Variants in ZFAT observed in about 807,000 individuals in gnomAD.
ZFAT encodes zinc finger protein ZFAT.
Under a neutral mutation model 117.7 loss-of-function variants are expected in ZFAT, and 64 were observed. The ratio of observed to expected loss-of-function variants is 0.54; its 90% CI spans 0.44 to 0.67. ZFAT has a LOEUF of 0.67. ZFAT is among the 30% of genes least tolerant of loss of function. The probability of loss-of-function intolerance (pLI) is 0.00; values close to 1 mark genes in which losing one functional copy is unlikely to be tolerated. For synonymous variants in ZFAT, 679 were observed against 615.0 expected, an observed-to-expected ratio of 1.10 and a Z score of -1.54; for missense variants, 1,433 against 1,584.5, an observed-to-expected ratio of 0.90 and a Z score of 1.62.
chr8:134,608,902 T>C, intron 4 of ZFAT, 23 bp from the exon 5 acceptor site: 1 of 1,593,474 alleles, frequency 6.3e-7, no homozygotes, highest in Admixed American at 1.8e-5. Context: ...CAAAAGGCAT[T>C]GCTTATTGAG....
chr8:134,783,689 A>G, the ZFAT span: 9 of 152,226 alleles, frequency 5.9e-5, no homozygotes, highest in Non-Finnish European at 1.2e-4. Context: ...CAGAACTCAG[A>G]AAAGTTACGT....
chr8:134,688,798 G>A (rs1833460342), intron 1 of ZFAT, among the ~76,000 whole-genome samples: 1 of 152,162 alleles, frequency 6.6e-6, no homozygotes, highest in African/African-American at 2.4e-5. Context: ...TCAAGAGAAG[G>A]AAGAGACCAA....
At chr8:134,622,909 C>T (rs1829231924) in intron 3 of ZFAT, among the ~76,000 whole-genome samples, 1 of 152,126 alleles carries the variant, frequency 6.6e-6, no homozygotes, top group African/African-American at 2.4e-5. Flanking sequence ...CCCTGCTTTT[C>T]CCAGCTGCCC....
At chr8:134,783,741 G>A in the ZFAT span, 19 of 152,204 alleles carry the variant, frequency 1.2e-4, no homozygotes, top group Non-Finnish European at 1.6e-4. Flanking sequence ...TTTAAAATCA[G>A]TACAGTTTTA....
In ZFAT at chr8:134,590,367, G is replaced by A. The variant is rs756736491; in HGVS notation, c.2476-12C>T. Reference sequence around the variant, plus strand: ...TAACTCCTTTTGTCCTTAATAGAAAGAGAACATAATCAGTTGACTTTCTCA... The same window carrying A: ...TAACTCCTTTTGTCCTTAATAGAAAAAGAACATAATCAGTTGACTTTCTCA... On this transcript the variant is annotated splice_polypyrimidine_tract_variant and intron_variant, in intron 7 of 15. Coordinates refer to ENST00000377838, the MANE Select transcript of ZFAT (RefSeq NM_020863.4). 1.9e-6 allele frequency: 3 copies of A among 1,596,560 alleles called. No individual in the cohort carries two copies. The highest frequency in any genetic ancestry group is 1.7e-6 in the Non-Finnish European group (2 of 1,167,700).
chr8:134,586,331 T>C (rs1321506694), intron 9 of ZFAT, among the ~76,000 whole-genome samples: 9 of 152,250 alleles, frequency 5.9e-5, no homozygotes, highest in Non-Finnish European at 1.5e-5. Context: ...AAGTACCCAA[T>C]ATGTGCTAAG....
At chr8:134,679,788 G>C (rs991281909) in intron 1 of ZFAT, among the ~76,000 whole-genome samples, 1 of 152,134 alleles carries the variant, frequency 6.6e-6, no homozygotes, top group African/African-American at 2.4e-5. Context: ...GTCCTTTGCA[G>C]GGACACGGAT....
chr8:134,685,977 A>C (rs1833301212), intron 1 of ZFAT, among the ~76,000 whole-genome samples: 1 of 151,614 alleles, frequency 6.6e-6, no homozygotes, highest in African/African-American at 2.4e-5. Context: ...GCAGGTGGGC[A>C]CACAGCAGGG....
chr8:134,539,879 A>T (rs934799946), intron 11 of ZFAT, among the ~76,000 whole-genome samples: 1 of 152,148 alleles, frequency 6.6e-6, no homozygotes, highest in Non-Finnish European at 1.5e-5. Context: ...GTCAGGTGTT[A>T]GGCCCACCAC....
At chr8:134,653,137 G>A (rs1273655910) in intron 2 of ZFAT, among the ~76,000 whole-genome samples, 1 of 146,490 alleles carries the variant, frequency 6.8e-6, no homozygotes, top group Non-Finnish European at 1.5e-5. Flanking sequence ...TAAAAGAGAA[G>A]GTCGGGTTTT....
chr8:134,532,366 T>C (rs1443149537), intron 12 of ZFAT, among the ~76,000 whole-genome samples: 1 of 152,224 alleles, frequency 6.6e-6, no homozygotes, highest in Non-Finnish European at 1.5e-5. Flanking sequence ...AATCCCACAA[T>C]GTTCGATAAC....
chr8:134,612,779 G>A (rs960006235), intron 3 of ZFAT, among the ~76,000 whole-genome samples: 1 of 152,152 alleles, frequency 6.6e-6, no homozygotes, highest in Non-Finnish European at 1.5e-5. Context: ...ACTCTCCAAG[G>A]CTAAACGGAA....
chr8:134,713,375 C>T (rs1292549080), upstream of ZFAT, among the ~76,000 whole-genome samples: 3 of 152,240 alleles, frequency 2.0e-5, no homozygotes, highest in East Asian at 3.9e-4. Flanking sequence ...CCCAGCTCTA[C>T]CTCTCACTAC....
At chr8:134,812,887 T>C in the ZFAT span, among the ~76,000 whole-genome samples, 1 of 152,268 alleles carries the variant, frequency 6.6e-6, no homozygotes, top group Non-Finnish European at 1.5e-5. Flanking sequence ...ACTAGTGTTA[T>C]CTATCCTCTT....
Position 134,713,013 on chromosome 8 carries a change from G to A in ZFAT, c.-150C>T. On this transcript the variant is annotated 5_prime_UTR_variant, in exon 1 of 16. Transcript: ENST00000377838. Reference sequence around the variant, plus strand: ...GCCGGCGAGGTTATGGCGAATCTGCGGCATCCAACATGGCGGATGGAGTCT... The same window carrying A: ...GCCGGCGAGGTTATGGCGAATCTGCAGCATCCAACATGGCGGATGGAGTCT... 1.1e-6 allele frequency: 1 copy of A among 924,650 alleles called. No individual in the cohort carries two copies. Among genetic ancestry groups the A allele is most frequent in the Non-Finnish European group, 1.5e-6 (1 of 675,196 alleles). The allele number at this position is 924,650 out of a possible 1,614,324, so 57.3% of individuals were successfully genotyped here. A position where few individuals can be genotyped will look rare whatever the true frequency, so the allele number is the denominator to read the frequency against.
chr8:134,774,616 A>G, the ZFAT span, among the ~76,000 whole-genome samples: 1 of 152,230 alleles, frequency 6.6e-6, no homozygotes, highest in Non-Finnish European at 1.5e-5. Context: ...CACCTAACAG[A>G]CTACAGTATA....
In ZFAT at chr8:134,608,666, C is replaced by T. The variant is rs566373599; in HGVS notation, c.785+63G>A. 25 of 1,568,628 alleles carry T rather than the reference C, an allele frequency of 1.6e-5. No homozygotes were observed. In the African/African-American group the frequency reaches 3.5e-4, roughly 22 times the overall value. On this transcript the variant is annotated intron_variant, in intron 5 of 15. Transcript: ENST00000377838. Reference sequence around the variant, plus strand: ...CGAACAAGCATGCTGATCCTTCCTGCACTCTGTGGAGTTCACTCACATGCA... The same window carrying T: ...CGAACAAGCATGCTGATCCTTCCTGTACTCTGTGGAGTTCACTCACATGCA...
chr8:134,712,257 T>TA (rs961390415), intron 1 of ZFAT, among the ~76,000 whole-genome samples: 3 of 152,124 alleles, frequency 2.0e-5, no homozygotes, highest in East Asian at 3.8e-4. Context: ...ACCTACAAAT[T>TA]AGAGTTCTCA....
At chr8:134,590,609 CAATA>C (rs1826402213) in intron 7 of ZFAT, among the ~76,000 whole-genome samples, 1 of 151,364 alleles carries the variant, frequency 6.6e-6, no homozygotes, top group African/African-American at 2.4e-5. Flanking sequence ...CCAGCACTAT[CAATA>C]GTCATCACCA....
Sources: gnomAD v4.1 joint callset for allele counts (sites outside exome capture counted in the v4.1 genomes callset) on GRCh38, gnomAD v4.1.1 for gene constraint, MANE v1.5 for transcripts, NCBI Gene and HGNC (gene_info 2026-07-23, HGNC 2026-07-21) for gene names.